Variants in PIN4 observed in about 807,000 individuals in gnomAD.
PIN4 encodes the protein peptidylprolyl cis/trans isomerase, NIMA-interacting 4, also known as peptidyl-prolyl cis-trans isomerase NIMA-interacting 4.
In PIN4, 3 loss-of-function variants were observed where a neutral mutation model predicts 8.3. The observed-to-expected ratio is 0.36, with a 90% CI of 0.16 to 0.93. The LOEUF (loss-of-function observed/expected upper bound fraction) is 0.93, where lower values mean the gene tolerates loss of function less well. Ranked by LOEUF, PIN4 falls within the 40% of genes least tolerant of loss-of-function variation. The pLI, the probability that PIN4 is intolerant of heterozygous loss-of-function variation, is 0.44. For synonymous variants in PIN4, 18 were observed against 32.5 expected, an observed-to-expected ratio of 0.55 and a Z score of 1.52; for missense variants, 75 against 100.6, an observed-to-expected ratio of 0.75 and a Z score of 1.09.
chrX:72,215,391 GAAAA>G (rs1174831623), intron 3 of PIN4, among the ~76,000 whole-genome samples: 1 of 111,752 alleles, frequency 8.9e-6, no homozygotes, highest in African/African-American at 3.2e-5. Context: ...TACTTTAAAA[GAAAA>G]AAACTAAACA....
intron 1 of PIN4, among the ~76,000 whole-genome samples, chrX:72,184,971 T>C (rs2042691963): frequency 9.3e-6 from 1 of 107,476 alleles, no homozygotes; most frequent in Non-Finnish European, 1.9e-5. Context: ...TGAAACCCTG[T>C]CTCTACTAAA....
intron 3 of PIN4, among the ~76,000 whole-genome samples, chrX:72,210,064 G>T (rs376120163): frequency 5.5e-5 from 6 of 108,883 alleles, no homozygotes; most frequent in Non-Finnish European, 1.1e-4. Flanking sequence ...GCAACCAGAG[G>T]GGGGGAAGAG....
At chrX:72,211,213 G>C (rs2042852080) in intron 3 of PIN4, among the ~76,000 whole-genome samples, 1 of 110,798 alleles carries the variant, frequency 9.0e-6, no homozygotes, top group Non-Finnish European at 1.9e-5. Flanking sequence ...ACACTTCATG[G>C]GCTCAAGTAT....
At chrX:72,207,350 G>T in intron 3 of PIN4, 4 of 1,210,909 alleles carry the variant, frequency 3.3e-6, no homozygotes, top group Non-Finnish European at 4.5e-6. Context: ...CCCTCATCTC[G>T]CAGCCTCTTA....
intron 3 of PIN4, chrX:72,208,695 A>G (rs770176979): frequency 6.9e-6 from 8 of 1,164,771 alleles, no homozygotes; most frequent in African/African-American, 3.6e-5. Context: ...CCTCTTTCAC[A>G]TATCTATAGA....
At chrX:72,187,053 T>G (rs1177563073) in intron 2 of PIN4, among the ~76,000 whole-genome samples, 3 of 112,753 alleles carry the variant, frequency 2.7e-5, no homozygotes, top group African/African-American at 6.4e-5. Flanking sequence ...TTCTTTATAG[T>G]TTTTTAGTAT....
intron 3 of PIN4, among the ~76,000 whole-genome samples, chrX:72,245,505 AG>A (rs2043064658): frequency 9.0e-6 from 1 of 111,630 alleles, no homozygotes; most frequent in Non-Finnish European, 1.9e-5. Context: ...ATACCTAATT[AG>A]GCTTCTCCCA....
chrX:72,194,519 C>A (rs1202916148), intron 2 of PIN4, among the ~76,000 whole-genome samples: 1 of 106,880 alleles, frequency 9.4e-6, no homozygotes, highest in African/African-American at 3.5e-5. Context: ...GGCGACAGAG[C>A]AAGACTCCGT....
chrX:72,204,897 T>C (rs1298464033), intron 3 of PIN4: 1 of 636,915 alleles, frequency 1.6e-6, no homozygotes, highest in Admixed American at 4.4e-5. Context: ...AAGTTGCTTT[T>C]TGAGATCTTT....
intron 2 of PIN4, among the ~76,000 whole-genome samples, chrX:72,195,889 C>T (rs140517626): frequency 0.1 from 11,155 of 109,757 alleles, 811 homozygotes; most frequent in East Asian, 0.47. Flanking sequence ...GAGGCCGAGG[C>T]GGGCAGATCA....
At chrX:72,236,303 T>C (rs1298123089) in intron 3 of PIN4, among the ~76,000 whole-genome samples, 1 of 110,678 alleles carries the variant, frequency 9.0e-6, no homozygotes, top group Non-Finnish European at 1.9e-5. Context: ...AAATCTTTTT[T>C]TTCTTTTTTT....
intron 3 of PIN4, among the ~76,000 whole-genome samples, chrX:72,222,659 G>A (rs901241061): frequency 1.4e-4 from 14 of 102,500 alleles, no homozygotes; most frequent in East Asian, 9.6e-4. Flanking sequence ...ACGCAGTAGC[G>A]CGATCTCAGC....
At chrX:72,244,703 G>A (rs1360696435) in intron 3 of PIN4, among the ~76,000 whole-genome samples, 1 of 111,123 alleles carries the variant, frequency 9.0e-6, no homozygotes, top group Non-Finnish European at 1.9e-5. Flanking sequence ...AGGAGGGAGT[G>A]CCAGCAAAAT....
downstream of PIN4, among the ~76,000 whole-genome samples, chrX:72,202,227 T>A (rs752597634): frequency 8.9e-6 from 1 of 112,775 alleles, no homozygotes; most frequent in Admixed American, 9.4e-5. Context: ...ACACCTGACT[T>A]CTTCTACCCA....
intron 3 of PIN4, among the ~76,000 whole-genome samples, chrX:72,246,498 C>G (rs1331068973): frequency 9.0e-6 from 1 of 111,626 alleles, no homozygotes; most frequent in African/African-American, 3.3e-5. Context: ...CTAAATCCTT[C>G]AAAGCCCCCT....
intron 2 of PIN4, among the ~76,000 whole-genome samples, chrX:72,195,420 T>A (rs2042759338): frequency 1.8e-5 from 2 of 111,449 alleles, no homozygotes; most frequent in African/African-American, 3.3e-5. Flanking sequence ...GGTGGGCAGA[T>A]CACTTTAGGC....
At chrX:72,205,733 C>T (rs368082499) in intron 3 of PIN4, 3 of 1,210,317 alleles carry the variant, frequency 2.5e-6, no homozygotes, top group Admixed American at 2.2e-5. Flanking sequence ...ACTACTACTT[C>T]TTCTGGTTCA....
chrX:72,261,459 A>G (rs141025310), intron 3 of PIN4, among the ~76,000 whole-genome samples: 3 of 111,999 alleles, frequency 2.7e-5, no homozygotes, highest in South Asian at 3.7e-4. Context: ...TGGAGTCCCT[A>G]TAAGCCTCGA....
chrX:72,194,742 C>T (rs1162853511), intron 2 of PIN4, among the ~76,000 whole-genome samples: 2 of 103,740 alleles, frequency 1.9e-5, no homozygotes, highest in Non-Finnish European at 3.9e-5. Context: ...CAGTAGTGTA[C>T]AGTAATGTCC....
Sources: allele counts gnomAD v4.1 joint callset (sites outside exome capture counted in the v4.1 genomes callset), GRCh38; gene constraint gnomAD v4.1.1; transcripts MANE v1.5; gene names NCBI Gene and HGNC (gene_info 2026-07-23, HGNC 2026-07-21).